Variants in MYZAP observed in about 807,000 individuals in gnomAD.
MYZAP encodes the protein myocardial zonula adherens protein.
Under a neutral mutation model 69.4 loss-of-function variants are expected in MYZAP, and 66 were observed. The observed-to-expected ratio is 0.95, with a 90% CI of 0.78 to 1.17. MYZAP has a LOEUF of 1.17. MYZAP is among the 50% of genes most tolerant of loss of function. The pLI is 0.00. For synonymous variants in MYZAP, 256 were observed against 205.9 expected (o/e 1.24, Z -2.09); for missense variants, 611 against 556.2 (o/e 1.10, Z -0.99).
rs201828277 is a variant in MYZAP at position 57,633,626 on chromosome 15, G to A, written c.818G>A (p.Ser273Asn). 2 of 1,612,886 alleles carry A rather than the reference G, an allele frequency of 1.2e-6. No homozygotes were observed. Among genetic ancestry groups the A allele is most frequent in the Admixed American group, 1.7e-5 (1 of 59,866 alleles). The change falls in exon 8 of 13, where the codon AGT becomes AAT. Residue 273 changes from serine to asparagine, a missense_variant. Coordinates refer to ENST00000267853, the MANE Select transcript of MYZAP (RefSeq NM_001018100.5). ...EKEALLEETN[S>N]FLKAIEEANK... ...TTTCTTTTGCAGGAAGAAACCAATA[G>A]TTTTCTGAAAGCGATTGAAGAAGCC...
At chr15:57,673,473 T>C (rs1457139922) in intron 11 of MYZAP, among the ~76,000 whole-genome samples, 5 of 133,158 alleles carry the variant, frequency 3.8e-5, no homozygotes, top group Admixed American at 7.2e-5. Context: ...CGTGTGTGTG[T>C]GTGTGTGTGT....
At chr15:57,623,725 C>A in intron 4 of MYZAP, among the ~76,000 whole-genome samples, 2 of 136,748 alleles carry the variant, frequency 1.5e-5, no homozygotes, top group African/African-American at 2.7e-5. Flanking sequence ...AGAGTGAGAC[C>A]CTGTTTCAAA....
At chr15:57,651,244 A>G (rs978491673) in intron 10 of MYZAP, among the ~76,000 whole-genome samples, 1 of 152,208 alleles carries the variant, frequency 6.6e-6, no homozygotes, top group Admixed American at 6.5e-5. Context: ...GGGCTTCCAT[A>G]TATATGTATT....
At chr15:57,680,583 C>T (rs1159038596) in intron 12 of MYZAP, 1 of 151,740 alleles carries the variant, frequency 6.6e-6, no homozygotes, top group African/African-American at 2.4e-5. Context: ...TTAATTAAAG[C>T]CATTGAGAAC....
At position 57,679,376 on chromosome 15, in the gene MYZAP, T is replaced by TGTGTGTGTG. The variant is rs57864057; in HGVS notation, c.1304+4308_1304+4309insGTGTGTGTG. Among the ~76,000 whole-genome samples, 597 of 135,864 alleles carry TGTGTGTGTG rather than the reference T, an allele frequency of 4.4e-3. 5 individuals carry two copies. The highest frequency in any genetic ancestry group is 0.029 in the South Asian group (124 of 4,292). 89.1% of individuals were successfully genotyped at this position (135,864 alleles called of 152,430 possible). ...TGTGTGTGTGTGTGTGTGTGTGTGT[T>TGTGTGTGTG]TCTCTCTCTCTCTCTCTCTGTCTCC... On this transcript the variant is annotated intron_variant, in intron 12 of 12. Coordinates refer to ENST00000267853, the MANE Select transcript of MYZAP (RefSeq NM_001018100.5).
intron 4 of MYZAP, among the ~76,000 whole-genome samples, chr15:57,625,386 A>G (rs186686429): frequency 1.2e-3 from 181 of 152,312 alleles, no homozygotes; most frequent in Non-Finnish European, 1.8e-3. Context: ...ACCAAAGCAT[A>G]TTCTCTCCAT....
chr15:57,637,724 A>C lies in MYZAP; in HGVS notation c.963A>C (p.Leu321=). ...GTCATCAACTGCAACTTCAACTCCT[A>C]GAACATGAAACAGAAATGTCTGGGG... ...KERHQLQLQL[L]EHETEMSGEL... The change falls in exon 9 of 13, where the codon CTA becomes CTC. Residue 321 remains leucine (L), a synonymous_variant. Transcript: ENST00000267853. The C allele has an allele frequency of 6.2e-7, 1 of 1,613,242 alleles. No individual in the cohort carries two copies. The highest frequency in any genetic ancestry group is 8.5e-7 in the Non-Finnish European group (1 of 1,179,618).
At chr15:57,625,637 T>TG (rs2036085584) in intron 4 of MYZAP, 142 bp from the exon 5 acceptor site, 1 of 737,908 alleles carries the variant, frequency 1.4e-6, no homozygotes, top group African/African-American at 1.7e-5. Flanking sequence ...ATCATGCAGA[T>TG]GTTGACTTTT....
In MYZAP at chr15:57,592,079, C is replaced by T. The variant is rs1025658573; in HGVS notation, c.45C>T (p.Ala15=). The part of the protein sequence containing the change: ...TSTVTLLSGG[A]ARTPGAPSRR... ...CGGTCACCCTGCTCTCGGGCGGCGC[C>T]GCCAGGACGCCCGGGGCGCCCAGCA... The change falls in exon 1 of 13, where the codon GCC becomes GCT. Residue 15 remains alanine, a synonymous_variant. Coordinates refer to ENST00000267853, the MANE Select transcript of MYZAP (RefSeq NM_001018100.5). The T allele has an allele frequency of 2.2e-6, 3 of 1,380,182 alleles. No individual in the cohort carries two copies. The highest frequency in any genetic ancestry group is 3.0e-5 in the African/African-American group (2 of 65,914). The allele number at this position is 1,380,182 out of a possible 1,614,324, so 85.5% of individuals were successfully genotyped here. A position where few individuals can be genotyped will look rare whatever the true frequency, so the allele number is the denominator to read the frequency against.
intron 4 of MYZAP, among the ~76,000 whole-genome samples, chr15:57,621,910 A>G (rs1346336853): frequency 1.3e-5 from 2 of 152,228 alleles, no homozygotes; most frequent in Admixed American, 1.3e-4. Context: ...TCATATTCAA[A>G]GCATTCTCAC....
At chr15:57,684,034 T>A (rs1053207927) in intron 12 of MYZAP, among the ~76,000 whole-genome samples, 2 of 151,994 alleles carry the variant, frequency 1.3e-5, no homozygotes, top group Admixed American at 1.3e-4. Context: ...CTTCAGGTGA[T>A]CCCCCTGCCT....
Position 57,604,251 on chromosome 15 carries a change from C to G in MYZAP, c.76-18C>G, listed in dbSNP as rs202126161. 63 of 1,613,806 alleles carry G rather than the reference C, an allele frequency of 3.9e-5. No homozygotes were observed. The African/African-American group carries it at 7.2e-4, about 18-fold the overall frequency. On this transcript the variant is annotated intron_variant, in intron 1 of 12. Coordinates refer to ENST00000267853, the MANE Select transcript of MYZAP (RefSeq NM_001018100.5). ...AAATGCTGACTCCTAACTGGCCTCT[C>G]CTTTCCCTCTCTTCTAGGCAAATGT...
intron 11 of MYZAP, among the ~76,000 whole-genome samples, chr15:57,673,198 G>A (rs2038950344): frequency 6.6e-6 from 1 of 152,296 alleles, no homozygotes; most frequent in Middle Eastern, 3.4e-3. Context: ...TCCATTCACT[G>A]TGTATCAGTT....
intron 1 of MYZAP, among the ~76,000 whole-genome samples, chr15:57,594,683 A>G (rs1368140147): frequency 2.0e-5 from 3 of 152,186 alleles, no homozygotes; most frequent in Non-Finnish European, 4.4e-5. Context: ...CGCAACGACA[A>G]AAATCATCAA....
At chr15:57,645,356 T>C (rs550765583) in intron 10 of MYZAP, among the ~76,000 whole-genome samples, 2 of 152,342 alleles carry the variant, frequency 1.3e-5, no homozygotes, top group African/African-American at 4.8e-5. Flanking sequence ...CTCTAGCCAG[T>C]TGGCCAAACA....
intron 11 of MYZAP, among the ~76,000 whole-genome samples, chr15:57,672,170 C>T (rs1389423251): frequency 6.6e-6 from 1 of 152,094 alleles, no homozygotes; most frequent in Admixed American, 6.5e-5. Context: ...GTGTTTTCCC[C>T]CAACTCTGAC....
intron 1 of MYZAP, among the ~76,000 whole-genome samples, chr15:57,592,989 C>T (rs1387980811): frequency 1.3e-5 from 2 of 152,256 alleles, no homozygotes; most frequent in East Asian, 3.9e-4. Context: ...AGCAAAACCC[C>T]CACTGGTTCT....
chr15:57,684,346 A>T, intron 12 of MYZAP, 56 bp from the exon 13 acceptor site: 2 of 1,111,278 alleles, frequency 1.8e-6, no homozygotes, highest in Non-Finnish European at 2.7e-6. Context: ...CATGTGAAGC[A>T]TATGGGGGGT....
At position 57,639,467 on chromosome 15, in the gene MYZAP, C is replaced by T. The variant is rs1225813181; in HGVS notation, c.1041C>T (p.Ala347=). 2.5e-6 allele frequency: 4 copies of T among 1,614,066 alleles called. No individual in the cohort carries two copies. Among genetic ancestry groups the T allele is most frequent in the Non-Finnish European group, 3.4e-6 (4 of 1,179,976 alleles). ...ATCAGCAGTTGGAGGAGGCATCAGC[C>T]AGCCTCCGTGAGCGGATCAGACACC... ...ERYQQLEEAS[A]SLRERIRHLD... Residue 347 remains alanine, a synonymous_variant, in exon 10 of 13, where the codon GCC becomes GCT. Transcript: ENST00000267853.
Sources: allele counts gnomAD v4.1 joint callset (sites outside exome capture counted in the v4.1 genomes callset), GRCh38; gene constraint gnomAD v4.1.1; transcripts MANE v1.5; gene names NCBI Gene and HGNC (gene_info 2026-07-23, HGNC 2026-07-21).